Variants in NIBAN1 observed in about 807,000 individuals in gnomAD.
The protein encoded by NIBAN1 is niban apoptosis regulator 1, also known as protein Niban 1.
A neutral mutation model predicts 75.1 loss-of-function variants in NIBAN1; 81 were observed. The observed-to-expected ratio is 1.08, with a 90% CI of 0.90 to 1.30. The LOEUF is 1.30. Ranked by LOEUF, NIBAN1 falls within the 50% of genes most tolerant of loss-of-function variation. The pLI, the probability that NIBAN1 is intolerant of heterozygous loss-of-function variation, is 0.00. For missense variants in NIBAN1, 1,133 were observed against 1,128.1 expected, an observed-to-expected ratio of 1.00 and a Z score of -0.06; for synonymous variants, 436 against 424.8, an observed-to-expected ratio of 1.03 and a Z score of -0.32.
At chr1:184,906,452 G>T (rs1488080060) in intron 1 of NIBAN1, among the ~76,000 whole-genome samples, 2 of 151,890 alleles carry the variant, frequency 1.3e-5, no homozygotes, top group Non-Finnish European at 2.9e-5. Context: ...CTAACATGGA[G>T]AAACCCCGTC....
At chr1:184,926,524 C>T (rs1657690784) in intron 1 of NIBAN1, among the ~76,000 whole-genome samples, 1 of 152,202 alleles carries the variant, frequency 6.6e-6, no homozygotes, top group African/African-American at 2.4e-5. Flanking sequence ...AGACATGAGC[C>T]ACCACACCCA....
intron 6 of NIBAN1, among the ~76,000 whole-genome samples, chr1:184,824,610 T>C (rs76374190): frequency 0.055 from 8,421 of 152,288 alleles, 277 homozygotes; most frequent in Middle Eastern, 0.088. Context: ...CACAGAAAGC[T>C]GACGATGCTG....
intron 4 of NIBAN1, among the ~76,000 whole-genome samples, chr1:184,887,227 AG>A (rs1208500449): frequency 2.0e-5 from 3 of 152,308 alleles, no homozygotes; most frequent in African/African-American, 7.2e-5. Flanking sequence ...AAGGTAACAG[AG>A]GAGAATGCAC....
chr1:184,871,921 T>C (rs1488140945), intron 5 of NIBAN1, among the ~76,000 whole-genome samples: 1 of 152,156 alleles, frequency 6.6e-6, no homozygotes, highest in African/African-American at 2.4e-5. Flanking sequence ...GCACATTAGC[T>C]ACATGGTCCA....
intron 1 of NIBAN1, among the ~76,000 whole-genome samples, chr1:184,966,133 C>A (rs1350547090): frequency 6.6e-6 from 1 of 152,282 alleles, no homozygotes; most frequent in East Asian, 1.9e-4. Flanking sequence ...TAGTCTGTTA[C>A]CAGGGTAGCC....
chr1:184,962,877 T>G (rs958907056), intron 1 of NIBAN1, among the ~76,000 whole-genome samples: 1 of 152,144 alleles, frequency 6.6e-6, no homozygotes, highest in African/African-American at 2.4e-5. Context: ...GAAAAAATAA[T>G]GTTTTTTTCC....
chr1:184,877,128 A>G (rs1003432273), intron 5 of NIBAN1, among the ~76,000 whole-genome samples: 3 of 152,226 alleles, frequency 2.0e-5, no homozygotes, highest in Non-Finnish European at 4.4e-5. Flanking sequence ...ATTAGAAATT[A>G]TGGTATATTA....
intron 4 of NIBAN1, among the ~76,000 whole-genome samples, chr1:184,885,086 TC>T (rs1241655400): frequency 1.3e-5 from 2 of 152,192 alleles, no homozygotes; most frequent in African/African-American, 4.8e-5. Flanking sequence ...TCTCGCTCTG[TC>T]ACCCAGGCTG....
chr1:184,890,901 C>T (rs1048280384), intron 3 of NIBAN1, among the ~76,000 whole-genome samples: 2 of 152,128 alleles, frequency 1.3e-5, no homozygotes, highest in Non-Finnish European at 2.9e-5. Context: ...CCTATGCCCA[C>T]AAGGACATGC....
At chr1:184,836,236 T>C (rs536373780) in intron 5 of NIBAN1, among the ~76,000 whole-genome samples, 3 of 152,302 alleles carry the variant, frequency 2.0e-5, no homozygotes, top group East Asian at 1.9e-4. Context: ...AATTATTACA[T>C]TGGGATTCAA....
At chr1:184,884,605 CG>C in intron 5 of NIBAN1, 27 bp downstream of exon 5, 4 of 1,611,268 alleles carry the variant, frequency 2.5e-6, no homozygotes, top group Non-Finnish European at 3.4e-6. Flanking sequence ...CTTCCCGCCC[CG>C]GGGATGAGAG....
chr1:184,813,846 C>A (rs1249859482), intron 9 of NIBAN1, among the ~76,000 whole-genome samples: 1 of 152,156 alleles, frequency 6.6e-6, no homozygotes, highest in Non-Finnish European at 1.5e-5. Flanking sequence ...ATAAGTCATA[C>A]CTTATCTGCA....
intron 1 of NIBAN1, among the ~76,000 whole-genome samples, chr1:184,952,274 C>T (rs1442322626): frequency 6.6e-6 from 1 of 152,108 alleles, no homozygotes; most frequent in East Asian, 1.9e-4. Context: ...TGTGGTGGCA[C>T]ATGCCTACAG....
chr1:184,943,291 T>C (rs1214876281), intron 1 of NIBAN1, among the ~76,000 whole-genome samples: 2 of 152,106 alleles, frequency 1.3e-5, no homozygotes, highest in Non-Finnish European at 2.9e-5. Context: ...ACAAGGGGTT[T>C]AGCCTGAGAA....
chr1:184,882,351 C>T (rs1334105037), intron 5 of NIBAN1, among the ~76,000 whole-genome samples: 1 of 152,262 alleles, frequency 6.6e-6, no homozygotes. Context: ...GTACATCATG[C>T]TGTCAAAAAC....
intron 1 of NIBAN1, among the ~76,000 whole-genome samples, chr1:184,901,994 A>C (rs1312591321): frequency 6.6e-6 from 1 of 152,214 alleles, no homozygotes; most frequent in Non-Finnish European, 1.5e-5. Flanking sequence ...GTGTATCTGG[A>C]CTTTAGATTA....
chr1:184,885,284 C>T (rs1325779389), intron 4 of NIBAN1, among the ~76,000 whole-genome samples: 7 of 151,996 alleles, frequency 4.6e-5, no homozygotes, highest in Non-Finnish European at 7.4e-5. Context: ...GTGATCTGCC[C>T]GCCTCAGCCT....
chr1:184,926,051 G>A (rs1657672412), intron 1 of NIBAN1, among the ~76,000 whole-genome samples: 1 of 152,162 alleles, frequency 6.6e-6, no homozygotes, highest in South Asian at 2.1e-4. Flanking sequence ...GCTTGTCTAA[G>A]AAAGTTCTTA....
intron 9 of NIBAN1, among the ~76,000 whole-genome samples, chr1:184,814,288 A>G (rs1226578918): frequency 6.6e-6 from 1 of 152,228 alleles, no homozygotes; most frequent in Non-Finnish European, 1.5e-5. Context: ...AAAAATTCTA[A>G]TGAGTTATAA....
Sources: allele counts gnomAD v4.1 joint callset (sites outside exome capture counted in the v4.1 genomes callset), GRCh38; gene constraint gnomAD v4.1.1; transcripts MANE v1.5; gene names NCBI Gene and HGNC (gene_info 2026-07-23, HGNC 2026-07-21).